The following CAMK2D variants were observed in gnomAD, a reference collection of about 807,000 sequenced individuals.
The protein encoded by CAMK2D is calcium/calmodulin dependent protein kinase II delta.
Under a neutral mutation model 84.0 loss-of-function variants are expected in CAMK2D, and 37 were observed. The observed-to-expected ratio is 0.44, with a 90% CI of 0.34 to 0.58. The LOEUF is 0.58. Among genes scored for constraint, CAMK2D ranks in the 20% least tolerant of loss-of-function variants. The probability of loss-of-function intolerance (pLI) is 0.02; values close to 1 mark genes in which losing one functional copy is unlikely to be tolerated. For missense variants in CAMK2D, 448 were observed against 652.5 expected, an observed-to-expected ratio of 0.69 and a Z score of 3.41; for synonymous variants, 202 against 212.5, an observed-to-expected ratio of 0.95 and a Z score of 0.43.
intron 2 of CAMK2D, among the ~76,000 whole-genome samples, chr4:113,718,368 TTG>T (rs2099519870): frequency 6.6e-6 from 1 of 152,170 alleles, no homozygotes; most frequent in Non-Finnish European, 1.5e-5. Flanking sequence ...AGCTGTCCTC[TTG>T]TACTGAATCA....
chr4:113,686,800 TTCA>T (rs1375570423), intron 2 of CAMK2D, among the ~76,000 whole-genome samples: 4 of 152,044 alleles, frequency 2.6e-5, no homozygotes, highest in Non-Finnish European at 4.4e-5. Flanking sequence ...ACGCCAAGCT[TTCA>T]TGAGTTTTAA....
chr4:113,570,193 C>A (rs1484461991), intron 4 of CAMK2D, among the ~76,000 whole-genome samples: 5 of 152,220 alleles, frequency 3.3e-5, no homozygotes, highest in Non-Finnish European at 7.4e-5. Flanking sequence ...TAATTAAGTT[C>A]ATACTAATGA....
At chr4:113,609,061 A>C in intron 4 of CAMK2D, 91 bp downstream of exon 4, 1 of 668,584 alleles carries the variant, frequency 1.5e-6, no homozygotes, top group South Asian at 1.9e-5. Flanking sequence ...TGTAGCAGTC[A>C]GTAATTTGGA....
At chr4:113,520,388 G>A (rs1560676286) in intron 8 of CAMK2D, among the ~76,000 whole-genome samples, 1 of 151,996 alleles carries the variant, frequency 6.6e-6, no homozygotes, top group African/African-American at 2.4e-5. Flanking sequence ...ACCAGCCTAG[G>A]TGACAGAGTC....
chr4:113,613,021 T>C (rs759160847), intron 3 of CAMK2D, among the ~76,000 whole-genome samples: 3 of 152,192 alleles, frequency 2.0e-5, no homozygotes, highest in Non-Finnish European at 4.4e-5. Flanking sequence ...AAATAGACCA[T>C]GGTCCTTGTA....
At chr4:113,691,979 G>A (rs1387871517) in intron 2 of CAMK2D, among the ~76,000 whole-genome samples, 1 of 152,136 alleles carries the variant, frequency 6.6e-6, no homozygotes, top group African/African-American at 2.4e-5. Context: ...AGCAATACAT[G>A]AGAAGAAGAA....
At chr4:113,669,566 A>T (rs1592760417) in intron 2 of CAMK2D, among the ~76,000 whole-genome samples, 1 of 152,072 alleles carries the variant, frequency 6.6e-6, no homozygotes, top group Non-Finnish European at 1.5e-5. Context: ...CTCTGATTAT[A>T]CCCTTCGTAG....
chr4:113,591,670 C>T (rs2098885825), intron 4 of CAMK2D, among the ~76,000 whole-genome samples: 2 of 152,208 alleles, frequency 1.3e-5, no homozygotes, highest in Non-Finnish European at 2.9e-5. Flanking sequence ...TTCTTCAGTT[C>T]TCAGAGCCTT....
chr4:113,566,113 A>G (rs2098722565), intron 4 of CAMK2D, among the ~76,000 whole-genome samples: 1 of 152,202 alleles, frequency 6.6e-6, no homozygotes, highest in Non-Finnish European at 1.5e-5. Context: ...GGAAGGCTGA[A>G]GAGAAGAAAC....
intron 3 of CAMK2D, among the ~76,000 whole-genome samples, chr4:113,643,910 C>T (rs1325969869): frequency 6.6e-6 from 1 of 152,162 alleles, no homozygotes; most frequent in African/African-American, 2.4e-5. Flanking sequence ...GCCAGCTTTA[C>T]AAGTGAAAAA....
intron 2 of CAMK2D, chr4:113,754,835 A>G (rs2099624823): frequency 1.0e-6 from 1 of 984,350 alleles, no homozygotes; most frequent in Non-Finnish European, 1.2e-6. Flanking sequence ...AATAAGGATG[A>G]CACATGCCAC....
At chr4:113,710,238 G>A (rs1416231701) in intron 2 of CAMK2D, among the ~76,000 whole-genome samples, 1 of 152,082 alleles carries the variant, frequency 6.6e-6, no homozygotes, top group East Asian at 1.9e-4. Flanking sequence ...ACCTGAGCTG[G>A]AAACTCATCA....
intron 18 of CAMK2D, among the ~76,000 whole-genome samples, chr4:113,458,505 G>A (rs1283647784): frequency 6.6e-6 from 1 of 152,158 alleles, no homozygotes; most frequent in African/African-American, 2.4e-5. Context: ...TATGGAACAT[G>A]ATATATAGTG....
intron 16 of CAMK2D, among the ~76,000 whole-genome samples, chr4:113,487,969 A>C (rs1054446140): frequency 3.9e-5 from 6 of 152,066 alleles, no homozygotes; most frequent in African/African-American, 1.4e-4. Flanking sequence ...TGCTGTTATG[A>C]GGAAACCTGA....
intron 1 of CAMK2D, 148 bp from the exon 2 acceptor site, chr4:113,759,562 C>A: frequency 2.3e-6 from 1 of 441,644 alleles, no homozygotes; most frequent in Non-Finnish European, 4.0e-6. Flanking sequence ...CCTGGAAACC[C>A]AGACTTTCTT....
intron 2 of CAMK2D, among the ~76,000 whole-genome samples, chr4:113,727,233 T>C (rs1213538781): frequency 6.6e-6 from 1 of 152,156 alleles, no homozygotes; most frequent in Non-Finnish European, 1.5e-5. Flanking sequence ...TTGACAACTC[T>C]CTGTAAATTT....
chr4:113,516,997 T>C (rs2098293834), intron 9 of CAMK2D, among the ~76,000 whole-genome samples: 2 of 152,010 alleles, frequency 1.3e-5, no homozygotes, highest in South Asian at 4.1e-4. Flanking sequence ...TATATATATC[T>C]ACTTTCAAAT....
rs964937923 is a variant in CAMK2D at position 113,452,283 on chromosome 4, T to C, written c.*2262A>G. The C allele has an allele frequency of 3.3e-5, 5 of 152,180 alleles. No individual in the cohort carries two copies. The highest frequency in any genetic ancestry group is 1.2e-4 in the African/African-American group (5 of 41,460). 9.4% of individuals were successfully genotyped at this position (152,180 alleles called of 1,614,324 possible). On this transcript the variant is annotated 3_prime_UTR_variant, in exon 21 of 21. Transcript: ENST00000511664. ...TTTTGCTCACAGAGAACAATTAACT[T>C]GCCATTCTCACCAAGTGCAAATTGT... is the stretch of plus-strand genomic sequence containing the variant.
At chr4:113,472,797 T>C (rs2097562010) in intron 16 of CAMK2D, among the ~76,000 whole-genome samples, 4 of 152,226 alleles carry the variant, frequency 2.6e-5, no homozygotes, top group Non-Finnish European at 4.4e-5. Flanking sequence ...AATTGTTATA[T>C]AGCAACAATT....
Sources: gnomAD v4.1 joint callset for allele counts (sites outside exome capture counted in the v4.1 genomes callset) on GRCh38, gnomAD v4.1.1 for gene constraint, MANE v1.5 for transcripts, NCBI Gene and HGNC (gene_info 2026-07-23, HGNC 2026-07-21) for gene names.